Variants in ADAMTS16 observed in about 807,000 individuals in gnomAD.
The protein encoded by ADAMTS16 is A disintegrin and metalloproteinase with thrombospondin motifs 16.
In ADAMTS16, 94 loss-of-function variants were observed where a neutral mutation model predicts 145.8. The ratio of observed to expected loss-of-function variants is 0.64; its 90% CI spans 0.55 to 0.77. The LOEUF (loss-of-function observed/expected upper bound fraction) is 0.77, where lower values mean the gene tolerates loss of function less well. Ranked by LOEUF, ADAMTS16 falls within the 30% of genes least tolerant of loss-of-function variation. The pLI, the probability that ADAMTS16 is intolerant of heterozygous loss-of-function variation, is 0.00. For synonymous variants in ADAMTS16, 659 were observed against 604.3 expected, an observed-to-expected ratio of 1.09 and a Z score of -1.33; for missense variants, 1,585 against 1,591.5, an observed-to-expected ratio of 1.00 and a Z score of 0.07.
chr5:5,295,305 C>T (rs1560993530), intron 18 of ADAMTS16, among the ~76,000 whole-genome samples: 2 of 152,230 alleles, frequency 1.3e-5, no homozygotes, highest in Non-Finnish European at 2.9e-5. Context: ...GACAGCAGTG[C>T]TGTTTAATGA....
At chr5:5,200,920 A>G (rs903069074) in intron 9 of ADAMTS16, among the ~76,000 whole-genome samples, 5 of 152,210 alleles carry the variant, frequency 3.3e-5, no homozygotes, top group African/African-American at 4.8e-5. Flanking sequence ...AGATTTGAAA[A>G]TTTCAGAGAA....
In ADAMTS16 at chr5:5,273,590, G is replaced by C. The variant is rs528507745; in HGVS notation, c.2789+10807G>C. Among the ~76,000 whole-genome samples, 6 of 152,350 alleles carry C rather than the reference G, an allele frequency of 3.9e-5. No homozygotes were observed. In the East Asian group the frequency reaches 7.7e-4, roughly 20 times the overall value. ...GTTCAGCTACAGTGTGACGTCACCAGATCAGGTAGGAATGCCGTGGCTTGA... is the reference window on the plus strand; with the variant it reads ...GTTCAGCTACAGTGTGACGTCACCACATCAGGTAGGAATGCCGTGGCTTGA... On this transcript the variant is annotated intron_variant, in intron 18 of 22. Transcript: ENST00000274181.
intron 8 of ADAMTS16, among the ~76,000 whole-genome samples, chr5:5,196,915 C>T (rs976467537): frequency 6.6e-6 from 1 of 152,156 alleles, no homozygotes; most frequent in African/African-American, 2.4e-5. Context: ...GACTGAGGTC[C>T]CTGCACCTCC....
chr5:5,158,625 G>A (rs1263324432), intron 3 of ADAMTS16, among the ~76,000 whole-genome samples: 1 of 152,104 alleles, frequency 6.6e-6, no homozygotes, highest in Non-Finnish European at 1.5e-5. Context: ...GCCAATTGGA[G>A]GTGAGCACTT....
chr5:5,305,903 G>A (rs1051417476), intron 20 of ADAMTS16, among the ~76,000 whole-genome samples: 2 of 152,252 alleles, frequency 1.3e-5, no homozygotes, highest in African/African-American at 4.8e-5. Flanking sequence ...AGTGGGGGCT[G>A]CAGCCTCCTG....
At chr5:5,270,423 G>C (rs944844370) in intron 18 of ADAMTS16, among the ~76,000 whole-genome samples, 1 of 152,198 alleles carries the variant, frequency 6.6e-6, no homozygotes, top group African/African-American at 2.4e-5. Flanking sequence ...CCCACTTCGG[G>C]CATGATCCAG....
At chr5:5,187,225 C>A (rs2126570007) in intron 5 of ADAMTS16, among the ~76,000 whole-genome samples, 1 of 152,336 alleles carries the variant, frequency 6.6e-6, no homozygotes, top group South Asian at 2.1e-4. Context: ...TCCTGCTCCC[C>A]ACCCCAAATG....
intron 17 of ADAMTS16, among the ~76,000 whole-genome samples, chr5:5,246,462 A>C (rs1029405980): frequency 6.6e-6 from 1 of 152,220 alleles, no homozygotes; most frequent in Non-Finnish European, 1.5e-5. Context: ...GTTTGAAAAA[A>C]ATGATTGAAA....
At chr5:5,166,301 A>G (rs1380567712) in intron 3 of ADAMTS16, among the ~76,000 whole-genome samples, 3 of 151,958 alleles carry the variant, frequency 2.0e-5, no homozygotes, top group Non-Finnish European at 4.4e-5. Flanking sequence ...ATGCACACAC[A>G]CGGAGCTCAT....
chr5:5,181,564 T>A (rs1735340113), intron 3 of ADAMTS16, among the ~76,000 whole-genome samples: 1 of 152,234 alleles, frequency 6.6e-6, no homozygotes, highest in Admixed American at 6.5e-5. Flanking sequence ...TAAGTTACCC[T>A]TTTCTAGAAA....
intron 17 of ADAMTS16, among the ~76,000 whole-genome samples, chr5:5,251,615 C>T (rs1170561346): frequency 6.6e-6 from 1 of 152,180 alleles, no homozygotes; most frequent in African/African-American, 2.4e-5. Context: ...GGCACAGAGA[C>T]TGAAGGGAGA....
At chr5:5,160,968 T>C (rs1229623333) in intron 3 of ADAMTS16, among the ~76,000 whole-genome samples, 3 of 152,210 alleles carry the variant, frequency 2.0e-5, no homozygotes, top group Non-Finnish European at 2.9e-5. Flanking sequence ...AATAATTTGC[T>C]AATCTCACAG....
chr5:5,318,671 G>A (rs993083968), intron 22 of ADAMTS16, among the ~76,000 whole-genome samples: 8 of 152,164 alleles, frequency 5.3e-5, no homozygotes, highest in South Asian at 2.1e-4. Context: ...ATGGCTGGGC[G>A]CCTGTTAAGG....
At position 5,303,478 on chromosome 5, in the gene ADAMTS16, G is replaced by A; in HGVS notation, c.2991+9G>A. The A allele has an allele frequency of 6.2e-7, 1 of 1,608,900 alleles. No individual in the cohort carries two copies. The highest frequency in any genetic ancestry group is 8.5e-7 in the Non-Finnish European group (1 of 1,176,440). On this transcript the variant is annotated intron_variant, in intron 19 of 22. Transcript: ENST00000274181. The stretch of plus-strand genomic sequence containing the variant: ...CCGGGCCCTGGGCAGAGGTAACCAG[G>A]GTGGGGTTGGCATGGGTGGCAGCAG...
chr5:5,296,673 G>A (rs1437509257), intron 18 of ADAMTS16, among the ~76,000 whole-genome samples: 2 of 152,156 alleles, frequency 1.3e-5, no homozygotes, highest in African/African-American at 4.8e-5. Flanking sequence ...GGTTCATACA[G>A]AACAGGAGCG....
chr5:5,203,522 TG>T (rs1736012734), intron 9 of ADAMTS16, among the ~76,000 whole-genome samples: 1 of 152,200 alleles, frequency 6.6e-6, no homozygotes, highest in Non-Finnish European at 1.5e-5. Flanking sequence ...GGAACTCAAT[TG>T]GCCTGAAGTT....
rs370495237 is a variant in ADAMTS16, at chr5:5,209,178, G to A, written c.1537G>A (p.Asp513Asn). The A allele has an allele frequency of 1.9e-5, 30 of 1,613,948 alleles. No homozygotes were observed. In the African/African-American group the frequency reaches 3.7e-4, roughly 20 times the overall value. Residue 513 changes from aspartate to asparagine, a missense_variant, in exon 10 of 23, where the codon GAT becomes AAT. By Grantham distance (23) the Asp-to-Asn change is conservative. Coordinates refer to ENST00000274181, the MANE Select transcript of ADAMTS16 (RefSeq NM_139056.4). ...TGAGAAATTGCCAGGAGAATTATATGATGCAAACACACAGTGCAAGTGGCA... is the reference window on the plus strand; with the variant it reads ...TGAGAAATTGCCAGGAGAATTATATAATGCAAACACACAGTGCAAGTGGCA... ...YPEKLPGELY[D>N]ANTQCKWQFG...
intron 9 of ADAMTS16, among the ~76,000 whole-genome samples, chr5:5,204,506 G>T (rs896264392): frequency 2.0e-5 from 3 of 152,154 alleles, no homozygotes; most frequent in Admixed American, 6.5e-5. Flanking sequence ...TTCCCCAAAG[G>T]TAACCACCAT....
intron 12 of ADAMTS16, 57 bp downstream of exon 12, chr5:5,232,573 T>C (rs2126370132): frequency 1.5e-6 from 2 of 1,303,064 alleles, no homozygotes. Context: ...CCATGAACCC[T>C]CCAAGCAGTA....
Sources: allele counts gnomAD v4.1 joint callset (sites outside exome capture counted in the v4.1 genomes callset), GRCh38; gene constraint gnomAD v4.1.1; transcripts MANE v1.5; gene names NCBI Gene and HGNC (gene_info 2026-07-23, HGNC 2026-07-21).